CNR2: variants seen among roughly 807,000 people sequenced by gnomAD.
CNR2 encodes the protein cannabinoid receptor 2, also known as cannabinoid receptor 2 (macrophage).
For missense variants in CNR2, 379 were observed against 439.9 expected (o/e 0.86, Z 1.24); for synonymous variants, 172 against 182.2 (o/e 0.94, Z 0.45).
intron 1 of CNR2, among the ~76,000 whole-genome samples, chr1:23,904,458 G>A (rs1367221472): frequency 6.6e-6 from 1 of 152,136 alleles, no homozygotes; most frequent in East Asian, 1.9e-4. Flanking sequence ...ACAAGTGTGA[G>A]CCACTGCACC....
chr1:23,883,034 A>G (rs1389221530), intron 1 of CNR2, among the ~76,000 whole-genome samples: 1 of 152,178 alleles, frequency 6.6e-6, no homozygotes, highest in Non-Finnish European at 1.5e-5. Context: ...AGATTATAAA[A>G]TAGATGACCA....
intron 1 of CNR2, among the ~76,000 whole-genome samples, chr1:23,892,310 G>T (rs1640205291): frequency 6.6e-6 from 1 of 152,158 alleles, no homozygotes; most frequent in South Asian, 2.1e-4. Flanking sequence ...GGTCCCAGGG[G>T]AGGTTTATTG....
chr1:23,911,988 A>G (rs945334023), intron 1 of CNR2, among the ~76,000 whole-genome samples: 2 of 152,046 alleles, frequency 1.3e-5, no homozygotes, highest in African/African-American at 4.8e-5. Flanking sequence ...TTTTATCCTC[A>G]TCTCAGATCC....
intron 1 of CNR2, among the ~76,000 whole-genome samples, chr1:23,881,872 C>T (rs1013102460): frequency 4.0e-5 from 6 of 151,036 alleles, no homozygotes; most frequent in East Asian, 2.0e-4. Flanking sequence ...GCCTGGGCAA[C>T]GAGAGCGAAA....
At chr1:23,909,345 G>A (rs902089358) in intron 1 of CNR2, among the ~76,000 whole-genome samples, 1 of 152,166 alleles carries the variant, frequency 6.6e-6, no homozygotes, top group African/African-American at 2.4e-5. Context: ...TCTGCTGGAA[G>A]AAGGCTGAGA....
intron 1 of CNR2, among the ~76,000 whole-genome samples, chr1:23,890,554 T>C (rs182171611): frequency 2.5e-3 from 379 of 152,162 alleles, no homozygotes; most frequent in African/African-American, 8.8e-3. Context: ...GAGACCAGAC[T>C]GGCCAACATG....
chr1:23,874,766 G>A lies in CNR2; in HGVS notation c.852C>T (p.Cys284=). The part of the protein sequence containing the change: ...SDQVKKAFAF[C]SMLCLINSMV... ...TGGAGTTGATGAGGCACAGCATGGAGCAGAAAGCAAAGGCCTTCTTGACCT... is the reference window on the plus strand; with the variant it reads ...TGGAGTTGATGAGGCACAGCATGGAACAGAAAGCAAAGGCCTTCTTGACCT... The change falls in exon 2 of 2, where the codon TGC becomes TGT. Residue 284 remains cysteine, a synonymous_variant. Transcript: ENST00000374472. 1 of 1,614,182 alleles carries A rather than the reference G, an allele frequency of 6.2e-7. No homozygotes were observed. Among genetic ancestry groups the A allele is most frequent in the Non-Finnish European group, 8.5e-7 (1 of 1,180,018 alleles).
At chr1:23,909,049 T>TCAC (rs1366562260) in intron 1 of CNR2, among the ~76,000 whole-genome samples, 9 of 151,928 alleles carry the variant, frequency 5.9e-5, no homozygotes, top group Admixed American at 5.2e-4. Flanking sequence ...GCCGTGAAGC[T>TCAC]CACCGGACAC....
intron 1 of CNR2, among the ~76,000 whole-genome samples, chr1:23,897,481 ATT>A: frequency 6.7e-6 from 1 of 150,004 alleles, no homozygotes; most frequent in Non-Finnish European, 1.5e-5. Context: ...TGTTAATAGA[ATT>A]TTTTTTTTTG....
At chr1:23,895,764 A>G (rs138287812) in intron 1 of CNR2, among the ~76,000 whole-genome samples, 2 of 152,144 alleles carry the variant, frequency 1.3e-5, no homozygotes, top group Non-Finnish European at 2.9e-5. Context: ...CGGCCTCCCA[A>G]AGTGCTGGGA....
rs142861964 is a variant in CNR2, at chr1:23,875,023, C to T, written c.595G>A (p.Ala199Thr). 2.2e-4 allele frequency: 352 copies of T among 1,608,426 alleles called. 1 individual carries two copies. The highest frequency in any genetic ancestry group is 2.6e-4 in the Non-Finnish European group (308 of 1,177,388). ...DYLLSWLLFI[A>T]FLFSGIIYTY... The stretch of plus-strand genomic sequence containing the variant: ...TAGATGATTCCGGAAAAGAGGAAGG[C>T]GATGAACAGGAGCCAGCTCAGCAGG... The change falls in exon 2 of 2, where the codon GCC (alanine) becomes ACC (threonine). Residue 199 changes from alanine (A) to threonine (T), a missense_variant. Coordinates refer to ENST00000374472, the MANE Select transcript of CNR2 (RefSeq NM_001841.3).
intron 1 of CNR2, among the ~76,000 whole-genome samples, chr1:23,909,484 G>T (rs1369421924): frequency 6.6e-6 from 1 of 152,114 alleles, no homozygotes; most frequent in Admixed American, 6.5e-5. Context: ...GAGAGAAAGA[G>T]AATTGCCTTT....
intron 1 of CNR2, among the ~76,000 whole-genome samples, chr1:23,877,695 C>T (rs781220117): frequency 1.9e-4 from 29 of 152,040 alleles, no homozygotes; most frequent in Non-Finnish European, 3.5e-4. Flanking sequence ...GGCACAGTGG[C>T]TCACGCCTGT....
At chr1:23,879,352 T>C (rs533205852) in intron 1 of CNR2, among the ~76,000 whole-genome samples, 32 of 152,260 alleles carry the variant, frequency 2.1e-4, no homozygotes, top group African/African-American at 7.0e-4. Flanking sequence ...CAGTGGCTCA[T>C]GCCTGAAATC....
rs1252315309 is a variant in CNR2 at position 23,873,229 on chromosome 1, C to T, written c.*1306G>A. On this transcript the variant is annotated 3_prime_UTR_variant, in exon 2 of 2. Coordinates refer to ENST00000374472, the MANE Select transcript of CNR2 (RefSeq NM_001841.3). The stretch of plus-strand genomic sequence containing the variant: ...CTCCCTCATATGAAAAATGAGTACC[C>T]TGGGATCTATTTTATTTTATTTTTT... 1 of 141,438 alleles carries T rather than the reference C, an allele frequency of 7.1e-6. No homozygotes were observed. The highest frequency in any genetic ancestry group is 1.5e-5 in the Non-Finnish European group (1 of 65,712). The allele number at this position is 141,438 out of a possible 1,614,324, so 8.8% of individuals were successfully genotyped here.
At chr1:23,897,568 G>C (rs1397921762) in intron 1 of CNR2, among the ~76,000 whole-genome samples, 1 of 151,144 alleles carries the variant, frequency 6.6e-6, no homozygotes, top group African/African-American at 2.4e-5. Flanking sequence ...TCTGCCTCCC[G>C]GTTTCAAGCA....
intron 1 of CNR2, among the ~76,000 whole-genome samples, chr1:23,904,304 C>T (rs575698136): frequency 4.3e-4 from 65 of 151,504 alleles, no homozygotes; most frequent in African/African-American, 1.3e-3. Flanking sequence ...TCCCGAGTAG[C>T]TTGGGATTAC....
intron 1 of CNR2, among the ~76,000 whole-genome samples, chr1:23,908,134 C>T (rs1640527051): frequency 6.6e-6 from 1 of 151,874 alleles, no homozygotes; most frequent in Non-Finnish European, 1.5e-5. Flanking sequence ...GCACATGCCA[C>T]TATGCCCGGC....
At chr1:23,877,268 A>T (rs1639899884) in intron 1 of CNR2, among the ~76,000 whole-genome samples, 1 of 152,222 alleles carries the variant, frequency 6.6e-6, no homozygotes, top group Non-Finnish European at 1.5e-5. Context: ...CAAAAATAAA[A>T]TCATTGAAAA....
Sources: allele counts gnomAD v4.1 joint callset (sites outside exome capture counted in the v4.1 genomes callset), GRCh38; gene constraint gnomAD v4.1.1; transcripts MANE v1.5; gene names NCBI Gene and HGNC (gene_info 2026-07-23, HGNC 2026-07-21).